Variants in OPN3 observed in about 807,000 individuals in gnomAD.
The protein encoded by OPN3 is opsin 3.
Under a neutral mutation model 33.8 loss-of-function variants are expected in OPN3, and 29 were observed. The ratio of observed to expected loss-of-function variants is 0.86; its 90% CI spans 0.64 to 1.17. The LOEUF (loss-of-function observed/expected upper bound fraction) is 1.17. Among genes scored for constraint, OPN3 ranks in the 50% most tolerant of loss-of-function variants. OPN3 has a pLI of 0.00. For synonymous variants in OPN3, 216 were observed against 216.1 expected (o/e 1.00, Z 0.00); for missense variants, 437 against 514.1 (o/e 0.85, Z 1.45).
intron 3 of OPN3, among the ~76,000 whole-genome samples, chr1:241,597,207 A>G (rs1445215760): frequency 1.3e-5 from 2 of 152,176 alleles, no homozygotes; most frequent in Non-Finnish European, 2.9e-5. Flanking sequence ...GCCAATTGCT[A>G]CAAGTATCTA....
At chr1:241,635,208 A>C (rs144012687) in intron 1 of OPN3, 1 of 1,613,340 alleles carries the variant, frequency 6.2e-7, no homozygotes, top group Non-Finnish European at 8.5e-7. Flanking sequence ...GTGTGCATAC[A>C]AGTTTTATCT....
chr1:241,640,331 G>A lies in OPN3; in HGVS notation c.-77C>T, dbSNP rs1665080088. On this transcript the variant is annotated 5_prime_UTR_variant, in exon 1 of 4. Coordinates refer to ENST00000366554, the MANE Select transcript of OPN3 (RefSeq NM_014322.3). The stretch of plus-strand genomic sequence containing the variant: ...CTCGCGGCGCGCTCCGCACTGGGTG[G>A]GGTTGGGGCTCCGCCGCCTGCTCTA... 2.8e-6 allele frequency: 3 copies of A among 1,083,936 alleles called. No homozygotes were observed. Among genetic ancestry groups the A allele is most frequent in the Non-Finnish European group, 3.3e-6 (3 of 896,650 alleles). The allele number at this position is 1,083,936 out of a possible 1,614,324, so 67.1% of individuals were successfully genotyped here.
At chr1:241,639,773 G>T in intron 1 of OPN3, 109 bp downstream of exon 1, 1 of 1,089,932 alleles carries the variant, frequency 9.2e-7, no homozygotes, top group Non-Finnish European at 1.2e-6. Flanking sequence ...GCGCGGGGCC[G>T]AGCGGGAAGC....
intron 1 of OPN3, chr1:241,634,304 G>A: frequency 6.2e-7 from 1 of 1,613,948 alleles, no homozygotes; most frequent in Admixed American, 1.7e-5. Flanking sequence ...GACCCGTACA[G>A]CACAAGCTCC....
At chr1:241,631,967 T>C (rs569474563) in intron 1 of OPN3, 1 of 152,324 alleles carries the variant, frequency 6.6e-6, no homozygotes, top group South Asian at 2.1e-4. Flanking sequence ...TACCAGATTC[T>C]GAGCAAATTA....
At chr1:241,621,511 T>C (rs1315698630) in intron 1 of OPN3, among the ~76,000 whole-genome samples, 2 of 152,320 alleles carry the variant, frequency 1.3e-5, no homozygotes, top group East Asian at 1.9e-4. Flanking sequence ...CAAAGGGTTT[T>C]ATAGAATGAG....
chr1:241,635,015 G>T, intron 1 of OPN3: 2 of 1,613,404 alleles, frequency 1.2e-6, no homozygotes, highest in South Asian at 2.2e-5. Flanking sequence ...ACTAACATCT[G>T]ATTTGATTAA....
rs1573946730 is a variant in OPN3 at position 241,593,627 on chromosome 1, T to A, written c.*801A>T. ...TTGACAAGAGAAAAACAAACATAAA[T>A]TTATTAGCGGGTATATGTAATATAT... is the stretch of plus-strand genomic sequence containing the variant. On this transcript the variant is annotated 3_prime_UTR_variant, in exon 4 of 4. Coordinates refer to ENST00000366554, the MANE Select transcript of OPN3 (RefSeq NM_014322.3). 4.5e-6 allele frequency: 1 copy of A among 220,324 alleles called. No homozygotes were observed. The highest frequency in any genetic ancestry group is 9.8e-6 in the Non-Finnish European group (1 of 101,616). The allele number at this position is 220,324 out of a possible 1,614,324, so 13.6% of individuals were successfully genotyped here. A position where few individuals can be genotyped will look rare whatever the true frequency, so the allele number is the denominator to read the frequency against.
At chr1:241,617,844 T>C (rs1461214747) in intron 1 of OPN3, among the ~76,000 whole-genome samples, 1 of 152,126 alleles carries the variant, frequency 6.6e-6, no homozygotes, top group Non-Finnish European at 1.5e-5. Flanking sequence ...TTGGGCAAAA[T>C]GCTTTAAGTT....
In OPN3 at chr1:241,597,902, G is replaced by A. The variant is rs184456341; in HGVS notation, c.789C>T (p.Thr263=). The A allele has an allele frequency of 6.2e-7, 1 of 1,613,622 alleles. No homozygotes were observed. Among genetic ancestry groups the A allele is most frequent in the East Asian group, 2.2e-5 (1 of 44,834 alleles). Residue 263 remains threonine (T), a synonymous_variant, in exon 3 of 4, where the codon ACC becomes ACT. Transcript: ENST00000366554. ...LAKMCFLMIF[T]FLVCWMPYIV... ...TATAAGGCATCCAACAGACCAGGAAGGTGAATATCATTAAAAAGCACATTT... is the reference window on the plus strand; with the variant it reads ...TATAAGGCATCCAACAGACCAGGAAAGTGAATATCATTAAAAAGCACATTT...
intron 1 of OPN3, chr1:241,630,843 T>C (rs191325541): frequency 6.6e-6 from 1 of 152,258 alleles, no homozygotes; most frequent in East Asian, 1.9e-4. Flanking sequence ...CTATTTGTTC[T>C]TTTGATGCTG....
intron 1 of OPN3, among the ~76,000 whole-genome samples, chr1:241,615,431 A>G (rs1489445598): frequency 6.6e-6 from 1 of 152,090 alleles, no homozygotes; most frequent in Non-Finnish European, 1.5e-5. Context: ...AAACTGCATC[A>G]GACTCTGATC....
At position 241,634,700 on chromosome 1, in the gene OPN3, C is replaced by T; in HGVS notation, c.373+5182G>A. 2.5e-6 allele frequency: 4 copies of T among 1,613,946 alleles called. No homozygotes were observed. Among genetic ancestry groups the T allele is most frequent in the Non-Finnish European group, 3.4e-6 (4 of 1,179,880 alleles). ...AAGGAAGTTTTTAGTTGCGTTAAGA[C>T]CATCTATTGTAGTGCAAGATGATTC... On this transcript the variant is annotated intron_variant, in intron 1 of 3. Coordinates refer to ENST00000366554, the MANE Select transcript of OPN3 (RefSeq NM_014322.3).
At position 241,594,323 on chromosome 1, in the gene OPN3, T is replaced by C; in HGVS notation, c.*105A>G. 7.9e-7 allele frequency: 1 copy of C among 1,270,010 alleles called. No homozygotes were observed. Among genetic ancestry groups the C allele is most frequent in the South Asian group, 1.4e-5 (1 of 70,358 alleles). The allele number at this position is 1,270,010 out of a possible 1,614,324, so 78.7% of individuals were successfully genotyped here. The stretch of plus-strand genomic sequence containing the variant: ...TCGGATTTCCTGCTGGACCACAAGG[T>C]TCTGTTGATATTACATAGAACGGGT... On this transcript the variant is annotated 3_prime_UTR_variant, in exon 4 of 4. Transcript: ENST00000366554.
At chr1:241,599,122 T>C (rs1027403567) in intron 2 of OPN3, among the ~76,000 whole-genome samples, 3 of 151,960 alleles carry the variant, frequency 2.0e-5, no homozygotes, top group African/African-American at 7.2e-5. Context: ...ATTATATTCT[T>C]ATCAAAATCA....
At position 241,640,321 on chromosome 1, in the gene OPN3, G is replaced by C. The variant is rs1343359698; in HGVS notation, c.-67C>G. 1 of 1,092,556 alleles carries C rather than the reference G, an allele frequency of 9.2e-7. No individual in the cohort carries two copies. Among genetic ancestry groups the C allele is most frequent in the East Asian group, 6.4e-5 (1 of 15,682 alleles). 67.7% of individuals were successfully genotyped at this position (1,092,556 alleles called of 1,614,324 possible). The stretch of plus-strand genomic sequence containing the variant: ...TGCGGCGGGGCTCGCGGCGCGCTCC[G>C]CACTGGGTGGGGTTGGGGCTCCGCC... On this transcript the variant is annotated 5_prime_UTR_variant, in exon 1 of 4. Transcript: ENST00000366554.
intron 3 of OPN3, among the ~76,000 whole-genome samples, chr1:241,596,333 C>T (rs187125098): frequency 3.0e-4 from 46 of 152,162 alleles, no homozygotes; most frequent in African/African-American, 7.2e-4. Context: ...AAACAATTTC[C>T]AGGGTTTCAG....
At chr1:241,604,685 C>T (rs906470372) in intron 1 of OPN3, 106 bp from the exon 2 acceptor site, 22 of 986,034 alleles carry the variant, frequency 2.2e-5, no homozygotes, top group South Asian at 5.1e-5. Flanking sequence ...TATCTGAGAT[C>T]GATAGAGTGC....
chr1:241,631,371 G>T (rs1338984357), intron 1 of OPN3: 1 of 151,690 alleles, frequency 6.6e-6, no homozygotes, highest in Non-Finnish European at 1.5e-5. Flanking sequence ...GGTAGATCTG[G>T]AATACCTTCA....
Sources: allele counts gnomAD v4.1 joint callset (sites outside exome capture counted in the v4.1 genomes callset), GRCh38; gene constraint gnomAD v4.1.1; transcripts MANE v1.5; gene names NCBI Gene and HGNC (gene_info 2026-07-23, HGNC 2026-07-21).